The following PGR variants were observed in gnomAD, a reference collection of about 807,000 sequenced individuals.
PGR encodes the protein progesterone receptor.
In PGR, 25 loss-of-function variants were observed where a neutral mutation model predicts 76.1. The observed-to-expected ratio is 0.33, with a 90% confidence interval of 0.24 to 0.46. The LOEUF (loss-of-function observed/expected upper bound fraction) is 0.46. PGR is among the 20% of genes least tolerant of loss of function. The probability of loss-of-function intolerance (pLI) is 1.00; values close to 1 mark genes in which losing one functional copy is unlikely to be tolerated. For synonymous variants in PGR, 579 were observed against 535.0 expected, an observed-to-expected ratio of 1.08 and a Z score of -1.14; for missense variants, 1,172 against 1,225.3, an observed-to-expected ratio of 0.96 and a Z score of 0.65.
chr11:101,100,113 G>A (rs989048887), intron 2 of PGR, among the ~76,000 whole-genome samples: 1 of 152,128 alleles, frequency 6.6e-6, no homozygotes, highest in Non-Finnish European at 1.5e-5. Flanking sequence ...ACCTCATCTT[G>A]AATTGTAATC....
chr11:101,036,513 T>C lies in PGR; in HGVS notation c.*2603A>G, dbSNP rs541474084. On this transcript the variant is annotated 3_prime_UTR_variant, in exon 8 of 8. Coordinates refer to ENST00000325455, the MANE Select transcript of PGR (RefSeq NM_000926.4). Reference sequence around the variant, plus strand: ...TAGAGCTACCAGAAAGAACACGACATGTAAAATGAAGATAATGGTTATGAT... The same window carrying C: ...TAGAGCTACCAGAAAGAACACGACACGTAAAATGAAGATAATGGTTATGAT... 2.2e-4 allele frequency: 44 copies of C among 200,010 alleles called. No individual in the cohort carries two copies. In the Middle Eastern group the frequency reaches 5.2e-3, roughly 24 times the overall value. The allele number at this position is 200,010 out of a possible 1,614,324, so 12.4% of individuals were successfully genotyped here. A position where few individuals can be genotyped will look rare whatever the true frequency, so the allele number is the denominator to read the frequency against.
rs1591390143 is a variant in PGR at position 101,072,906 on chromosome 11, C to CTGTCTTGT, written c.1907-10155_1907-10154insACAAGACA. Among the ~76,000 whole-genome samples, 6 of 152,238 alleles carry CTGTCTTGT rather than the reference C, an allele frequency of 3.9e-5. No individual in the cohort carries two copies. In the South Asian group the frequency reaches 6.2e-4, roughly 16 times the overall value. On this transcript the variant is annotated intron_variant, in intron 3 of 7. Transcript: ENST00000325455. ...TTAACACCCTACTGTCAATATTAGACAGATCAACAAGACAGAAAATTAATA... is the reference window on the plus strand; with the variant it reads ...TTAACACCCTACTGTCAATATTAGACTGTCTTGTAGATCAACAAGACAGAAAATTAATA...
At chr11:101,100,605 C>CCACACACACACACA (rs10682415) in intron 2 of PGR, among the ~76,000 whole-genome samples, 52 of 147,678 alleles carry the variant, frequency 3.5e-4, no homozygotes, top group African/African-American at 1.2e-3. Context: ...TATTTTGAAT[C>CCACACACACACACA]CACACACACA....
At chr11:101,114,993 T>A (rs749806694) in intron 2 of PGR, among the ~76,000 whole-genome samples, 7 of 152,216 alleles carry the variant, frequency 4.6e-5, no homozygotes, top group Non-Finnish European at 8.8e-5. Flanking sequence ...TGTTTTATAA[T>A]AATCCTCACC....
chr11:101,076,978 T>C (rs899806683), intron 3 of PGR, among the ~76,000 whole-genome samples: 2 of 144,310 alleles, frequency 1.4e-5, no homozygotes, highest in East Asian at 4.0e-4. Flanking sequence ...GCCTCATAAT[T>C]ACCTCTTTTC....
Position 101,032,120 on chromosome 11 carries a change from T to A in PGR, c.*6996A>T, listed in dbSNP as rs1400951346. ...AACACATAAGCAAAATAATTAGACA[T>A]CTGGCCTTGTGTTTGACAATTTATA... On this transcript the variant is annotated 3_prime_UTR_variant, in exon 8 of 8. Coordinates refer to ENST00000325455, the MANE Select transcript of PGR (RefSeq NM_000926.4). 1 of 232,830 alleles carries A rather than the reference T, an allele frequency of 4.3e-6. No individual in the cohort carries two copies. Among genetic ancestry groups the A allele is most frequent in the Non-Finnish European group, 8.5e-6 (1 of 117,872 alleles). The allele number at this position is 232,830 out of a possible 1,614,324, so 14.4% of individuals were successfully genotyped here. A position where few individuals can be genotyped will look rare whatever the true frequency, so the allele number is the denominator to read the frequency against.
chr11:101,030,604 A>T lies in PGR; in HGVS notation c.*8512T>A, dbSNP rs1335682624. The T allele has an allele frequency of 4.5e-6, 1 of 220,442 alleles. No individual in the cohort carries two copies. The highest frequency in any genetic ancestry group is 2.2e-5 in the African/African-American group (1 of 44,618). The allele number at this position is 220,442 out of a possible 1,614,324, so 13.7% of individuals were successfully genotyped here. On this transcript the variant is annotated 3_prime_UTR_variant, in exon 8 of 8. Coordinates refer to ENST00000325455, the MANE Select transcript of PGR (RefSeq NM_000926.4). Reference sequence around the variant, plus strand: ...TTCTCCTGGTCAGTTGGAGGCAGGCATATTGCTCTGAGGAGAATTGGAATT... The same window carrying T: ...TTCTCCTGGTCAGTTGGAGGCAGGCTTATTGCTCTGAGGAGAATTGGAATT...
At position 101,129,270 on chromosome 11, in the gene PGR, C is replaced by G. The variant is rs554494881; in HGVS notation, c.-200G>C. ...CTCCTGCCCTTGGCCTCCATCCTGT[C>G]GTCAGGGGAACTGTGGCTGTCGTTT... is the stretch of plus-strand genomic sequence containing the variant. On this transcript the variant is annotated 5_prime_UTR_variant, in exon 1 of 8. Transcript: ENST00000325455. The G allele has an allele frequency of 7.6e-6, 4 of 523,786 alleles. No homozygotes were observed. The highest frequency in any genetic ancestry group is 1.3e-5 in the Non-Finnish European group (4 of 297,546). 32.4% of individuals were successfully genotyped at this position (523,786 alleles called of 1,614,324 possible).
chr11:101,094,748 T>A (rs1183835397), intron 2 of PGR, among the ~76,000 whole-genome samples: 1 of 152,206 alleles, frequency 6.6e-6, no homozygotes, highest in African/African-American at 2.4e-5. Flanking sequence ...TAATCATGCA[T>A]CTATTCTCAT....
intron 2 of PGR, among the ~76,000 whole-genome samples, chr11:101,103,869 A>C (rs1411576028): frequency 6.6e-6 from 1 of 152,218 alleles, no homozygotes; most frequent in Non-Finnish European, 1.5e-5. Flanking sequence ...TTTAACTGCT[A>C]AACTTACTTC....
chr11:101,039,393 T>C, intron 7 of PGR, 122 bp from the exon 8 acceptor site: 1 of 772,538 alleles, frequency 1.3e-6, no homozygotes, highest in East Asian at 2.7e-5. Context: ...GGTGTTTTTT[T>C]CTTACCATAG....
chr11:101,047,508 G>C (rs372420995), intron 6 of PGR, among the ~76,000 whole-genome samples: 11 of 152,224 alleles, frequency 7.2e-5, no homozygotes, highest in African/African-American at 2.4e-4. Flanking sequence ...AGATGGTTAT[G>C]TATTCATCCC....
chr11:101,071,531 A>G (rs1438538166), intron 3 of PGR, among the ~76,000 whole-genome samples: 1 of 151,980 alleles, frequency 6.6e-6, no homozygotes, highest in Non-Finnish European at 1.5e-5. Context: ...AACTCCTCTG[A>G]GTTAATGGAG....
intron 2 of PGR, among the ~76,000 whole-genome samples, chr11:101,112,468 C>T (rs1457437387): frequency 6.6e-6 from 1 of 151,798 alleles, no homozygotes; most frequent in South Asian, 2.1e-4. Flanking sequence ...TCTGGTAACC[C>T]CAGAAAAATG....
chr11:101,072,771 C>G (rs961149111), intron 3 of PGR, among the ~76,000 whole-genome samples: 4 of 152,176 alleles, frequency 2.6e-5, no homozygotes, highest in African/African-American at 4.8e-5. Flanking sequence ...ACAAGAAGAG[C>G]TGACTATCCT....
In PGR at chr11:101,126,500, C is replaced by G. The variant is rs1040106751; in HGVS notation, c.1638-342G>C. Among the ~76,000 whole-genome samples, 7 of 152,164 alleles carry G rather than the reference C, an allele frequency of 4.6e-5. No homozygotes were observed. The South Asian group carries it at 1.5e-3, about 32-fold the overall frequency. On this transcript the variant is annotated intron_variant, in intron 1 of 7. Coordinates refer to ENST00000325455, the MANE Select transcript of PGR (RefSeq NM_000926.4). Reference sequence around the variant, plus strand: ...GTCTTTGACAAATGAAATGTTATGTCCTTCCTGTCTGTATGCTGGGTCAAA... The same window carrying G: ...GTCTTTGACAAATGAAATGTTATGTGCTTCCTGTCTGTATGCTGGGTCAAA...
intron 2 of PGR, among the ~76,000 whole-genome samples, chr11:101,104,762 A>C (rs1474343183): frequency 6.6e-6 from 1 of 152,314 alleles, no homozygotes; most frequent in Non-Finnish European, 1.5e-5. Context: ...AATAACTCAA[A>C]GCAGATTATT....
At chr11:101,050,864 T>G (rs1860061312) in intron 5 of PGR, 1 of 170,050 alleles carries the variant, frequency 5.9e-6, no homozygotes, top group East Asian at 1.8e-4. Context: ...AACATGAAAA[T>G]TATCTAAAAA....
intron 4 of PGR, among the ~76,000 whole-genome samples, chr11:101,059,501 C>T (rs1282062158): frequency 6.6e-6 from 1 of 151,976 alleles, no homozygotes; most frequent in South Asian, 2.1e-4. Flanking sequence ...GGTTTATAAA[C>T]GTGCTGACAT....
Sources: allele counts gnomAD v4.1 joint callset (sites outside exome capture counted in the v4.1 genomes callset), GRCh38; gene constraint gnomAD v4.1.1; transcripts MANE v1.5; gene names NCBI Gene and HGNC (gene_info 2026-07-23, HGNC 2026-07-21).